The following TRDN variants were observed in gnomAD, a reference collection of about 807,000 sequenced individuals.
The protein encoded by TRDN is triadin, also known as triadin in skeletal muscle.
TRDN carries 161 observed loss-of-function variants against 149.7 expected under a neutral mutation model. The observed-to-expected ratio is 1.08, with a 90% confidence interval of 0.95 to 1.23. The LOEUF (loss-of-function observed/expected upper bound fraction) is 1.23. Among genes scored for constraint, TRDN ranks in the 50% most tolerant of loss-of-function variants. TRDN has a pLI of 0.00. For missense variants in TRDN, 896 were observed against 823.5 expected (o/e 1.09, Z -1.08); for synonymous variants, 294 against 250.5 (o/e 1.17, Z -1.64).
rs1458759196 is a variant in TRDN at position 123,570,964 on chromosome 6, G to T, written c.191C>A (p.Ala64Asp). 1 of 1,613,920 alleles carries T rather than the reference G, an allele frequency of 6.2e-7. No homozygotes were observed. The highest frequency in any genetic ancestry group is 8.5e-7 in the Non-Finnish European group (1 of 1,179,852). The change falls in exon 2 of 41, where the codon GCC (alanine) becomes GAC (aspartate). Residue 64 changes from alanine to aspartate, a missense_variant. Physicochemically the swap from Ala to Asp is moderately radical, Grantham distance 126. Transcript: ENST00000334268. ...IALIITWSAV[A>D]IVMFDLVDYK... is the part of the protein sequence containing the mutation. ...ATCCACTAAATCAAACATAACGATG[G>T]CAACAGCTGACCACGTGATTATCAG...
At chr6:123,311,894 T>C (rs1309529154) in intron 24 of TRDN, among the ~76,000 whole-genome samples, 1 of 151,890 alleles carries the variant, frequency 6.6e-6, no homozygotes, top group African/African-American at 2.4e-5. Context: ...ACAGTAGATA[T>C]GGCAAAAAAG....
At chr6:123,510,698 C>T (rs1779136477) in intron 7 of TRDN, among the ~76,000 whole-genome samples, 1 of 149,602 alleles carries the variant, frequency 6.7e-6, no homozygotes, top group South Asian at 2.1e-4. Flanking sequence ...GGCCGGAGTG[C>T]AGTGGCGCAA....
At chr6:123,468,952 C>A (rs1449909087) in intron 9 of TRDN, 1 of 152,078 alleles carries the variant, frequency 6.6e-6, no homozygotes, top group Non-Finnish European at 1.5e-5. Flanking sequence ...TCCAAGTAAC[C>A]ATTGAGTTAA....
intron 10 of TRDN, among the ~76,000 whole-genome samples, chr6:123,458,075 C>T (rs1776236299): frequency 6.6e-6 from 1 of 152,176 alleles, no homozygotes; most frequent in South Asian, 2.1e-4. Flanking sequence ...TTATATGTAG[C>T]AGAGAGAAAA....
chr6:123,343,154 A>G (rs1780126469), intron 21 of TRDN, among the ~76,000 whole-genome samples: 1 of 151,974 alleles, frequency 6.6e-6, no homozygotes, highest in Non-Finnish European at 1.5e-5. Context: ...TTTAAATCCA[A>G]TGTTTACCTC....
At chr6:123,456,565 C>A (rs1477425077) in intron 10 of TRDN, among the ~76,000 whole-genome samples, 1 of 151,860 alleles carries the variant, frequency 6.6e-6, no homozygotes, top group African/African-American at 2.4e-5. Flanking sequence ...GTTTCCCAGG[C>A]TCAAGTGATC....
intron 21 of TRDN, chr6:123,349,815 A>G (rs966802374): frequency 1.0e-6 from 1 of 985,216 alleles, no homozygotes; most frequent in Non-Finnish European, 1.2e-6. Context: ...GTGCATACAC[A>G]AAGAAGAGAA....
intron 7 of TRDN, among the ~76,000 whole-genome samples, chr6:123,509,272 A>C (rs11154173): frequency 0.3 from 46,194 of 151,844 alleles, 7,421 homozygotes; most frequent in Admixed American, 0.43. Flanking sequence ...GATGGCTCCC[A>C]GTGACTCCCA....
chr6:123,278,131 T>C (rs1444416859), intron 26 of TRDN, among the ~76,000 whole-genome samples, 187 bp downstream of exon 26: 1 of 152,170 alleles, frequency 6.6e-6, no homozygotes, highest in African/African-American at 2.4e-5. Context: ...ATTTCACCTA[T>C]GCAAATAGAG....
chr6:123,398,517 C>T (rs545240877), intron 12 of TRDN, among the ~76,000 whole-genome samples: 2 of 152,264 alleles, frequency 1.3e-5, no homozygotes, highest in African/African-American at 2.4e-5. Flanking sequence ...CAAAGAGCTG[C>T]TAAATCAAAT....
rs191020811 is a variant in TRDN, at chr6:123,586,406, G to T, written c.23-15274C>A. On this transcript the variant is annotated intron_variant, in intron 1 of 40. Coordinates refer to ENST00000334268, the MANE Select transcript of TRDN (RefSeq NM_006073.4). Reference sequence around the variant, plus strand: ...GTAGAAAGACTCAGTGATGCTTGGGGTTGGGACTGAGGGGACAGGTGGGAG... The same window carrying T: ...GTAGAAAGACTCAGTGATGCTTGGGTTTGGGACTGAGGGGACAGGTGGGAG... Among the ~76,000 whole-genome samples the T allele has an allele frequency of 6.8e-3, 1,042 of 152,202 alleles. 11 individuals carry two copies. The highest frequency in any genetic ancestry group is 0.023 in the African/African-American group (973 of 41,510).
chr6:123,552,464 C>T (rs1032828095), intron 2 of TRDN, among the ~76,000 whole-genome samples: 3 of 151,962 alleles, frequency 2.0e-5, no homozygotes, highest in South Asian at 2.1e-4. Context: ...TAATATTTGA[C>T]CCTTCTTTAT....
intron 1 of TRDN, among the ~76,000 whole-genome samples, chr6:123,626,657 A>G (rs1785686256): frequency 6.6e-6 from 1 of 152,106 alleles, no homozygotes; most frequent in African/African-American, 2.4e-5. Context: ...AACTTTTTAC[A>G]TAATGGTGAT....
intron 9 of TRDN, among the ~76,000 whole-genome samples, chr6:123,474,050 A>C (rs968502396): frequency 7.2e-5 from 11 of 152,240 alleles, no homozygotes; most frequent in Middle Eastern, 3.4e-3. Context: ...CGAGCAAAAT[A>C]ACCAGCTAAC....
At chr6:123,420,148 T>A (rs1331144761) in intron 12 of TRDN, among the ~76,000 whole-genome samples, 3 of 152,226 alleles carry the variant, frequency 2.0e-5, no homozygotes, top group African/African-American at 7.2e-5. Flanking sequence ...CACTTAGGGC[T>A]TTAATAAACA....
intron 32 of TRDN, among the ~76,000 whole-genome samples, chr6:123,266,984 G>C (rs917227773): frequency 1.4e-5 from 2 of 147,970 alleles, no homozygotes; most frequent in African/African-American, 5.0e-5. Flanking sequence ...GCAGGAGCCT[G>C]TAGTCCCAGC....
chr6:123,456,564 G>T (rs983726858), intron 10 of TRDN, among the ~76,000 whole-genome samples: 2 of 151,954 alleles, frequency 1.3e-5, no homozygotes, highest in Admixed American at 6.6e-5. Context: ...TGTTTCCCAG[G>T]CTCAAGTGAT....
In TRDN at chr6:123,437,315, G is replaced by T; in HGVS notation, c.1051+748C>A. 2.7e-5 allele frequency: 8 copies of T among 294,780 alleles called. No individual in the cohort carries two copies. The South Asian group carries it at 2.7e-4, about 10-fold the overall frequency. The allele number at this position is 294,780 out of a possible 1,614,324, so 18.3% of individuals were successfully genotyped here. A position where few individuals can be genotyped will look rare whatever the true frequency, so the allele number is the denominator to read the frequency against. ...AGCTCCTAATCTCCCTTTTCTTAGA[G>T]CATTTACTTCAGAAAACTGGAAAAC... On this transcript the variant is annotated intron_variant, in intron 12 of 40. Coordinates refer to ENST00000334268, the MANE Select transcript of TRDN (RefSeq NM_006073.4).
At chr6:123,226,166 T>C (rs1439399399) in intron 38 of TRDN, among the ~76,000 whole-genome samples, 2 of 151,770 alleles carry the variant, frequency 1.3e-5, no homozygotes, top group Non-Finnish European at 2.9e-5. Flanking sequence ...TTTAACTCAA[T>C]TAAATACTGG....
Sources: allele counts gnomAD v4.1 joint callset (sites outside exome capture counted in the v4.1 genomes callset), GRCh38; gene constraint gnomAD v4.1.1; transcripts MANE v1.5; gene names NCBI Gene and HGNC (gene_info 2026-07-23, HGNC 2026-07-21).